Variants in C5orf58 observed in about 807,000 individuals in gnomAD.
C5orf58 encodes chromosome 5 open reading frame 58.
Under a neutral mutation model 2.9 loss-of-function variants are expected in C5orf58, and 2 were observed. The ratio of observed to expected loss-of-function variants is 0.69; its 90% CI spans 0.28 to 2.18. The LOEUF is 2.18. Ranked by LOEUF, C5orf58 falls within the 30% of genes most tolerant of loss-of-function variation. The pLI is 0.13. For missense variants in C5orf58, 96 were observed against 91.7 expected (o/e 1.05, Z -0.19); for synonymous variants, 37 against 33.4 (o/e 1.11, Z -0.37).
downstream of C5orf58, chr5:170,250,586 T>G (rs1400913583): frequency 1.5e-6 from 1 of 655,852 alleles, no homozygotes; most frequent in Non-Finnish European, 2.7e-6. Flanking sequence ...GCTTTATTTC[T>G]CTTCCAATAA....
In C5orf58 at chr5:170,234,177, A is replaced by G. The variant is rs1760644754; in HGVS notation, c.-22A>G. Reference sequence around the variant, plus strand: ...AAATTCTCCCTGCTCAGGAAAAGGTAGAGGCAAGGATTGACTTAAAGGTTA... The same window carrying G: ...AAATTCTCCCTGCTCAGGAAAAGGTGGAGGCAAGGATTGACTTAAAGGTTA... On this transcript the variant is annotated 5_prime_UTR_variant, in exon 2 of 4. Transcript: ENST00000593851. The G allele has an allele frequency of 7.3e-7, 1 of 1,367,550 alleles. No individual in the cohort carries two copies. The highest frequency in any genetic ancestry group is 9.8e-7 in the Non-Finnish European group (1 of 1,021,692). 84.7% of individuals were successfully genotyped at this position (1,367,550 alleles called of 1,614,324 possible).
Position 170,245,987 on chromosome 5 carries a change from C to G in C5orf58, c.120C>G (p.Asp40Glu). The change falls in exon 4 of 4, where the codon GAC becomes GAG. Residue 40 changes from aspartate (D) to glutamate (E), a missense_variant. Coordinates refer to ENST00000593851, the MANE Select transcript of C5orf58 (RefSeq NM_001102609.3). ...IKELSQLLLC[D>E]LILHFNHPIK... ...AGCTCTCCCAGTTATTGCTTTGTGACCTTATCCTACATTTTAATCATCCCA... is the reference window on the plus strand; with the variant it reads ...AGCTCTCCCAGTTATTGCTTTGTGAGCTTATCCTACATTTTAATCATCCCA... 6.2e-7 allele frequency: 1 copy of G among 1,613,472 alleles called. No individual in the cohort carries two copies. Among genetic ancestry groups the G allele is most frequent in the Non-Finnish European group, 8.5e-7 (1 of 1,179,648 alleles).
At chr5:170,249,742 G>A (rs184386288), downstream of C5orf58, among the ~76,000 whole-genome samples, 129 of 152,286 alleles carry the variant, frequency 8.5e-4, no homozygotes, top group Middle Eastern at 6.8e-3. Flanking sequence ...GCTTGCTAGA[G>A]AGGGAAAAGC....
intron 3 of C5orf58, among the ~76,000 whole-genome samples, chr5:170,237,624 C>A (rs1375973258): frequency 1.3e-5 from 2 of 152,108 alleles, no homozygotes; most frequent in African/African-American, 4.8e-5. Flanking sequence ...ATAGCCCCTA[C>A]GACTCAATTC....
rs1005344061 is a variant in C5orf58 at position 170,233,870 on chromosome 5, G to A, written c.-84-245G>A. ...GGGCCTAGGAGAACCAGAGTGGAGA[G>A]AGGCCACTGTCTTGGGCTCTAAAAT... is the stretch of plus-strand genomic sequence containing the variant. On this transcript the variant is annotated intron_variant, in intron 1 of 3. Coordinates refer to ENST00000593851, the MANE Select transcript of C5orf58 (RefSeq NM_001102609.3). 4 of 349,000 alleles carry A rather than the reference G, an allele frequency of 1.1e-5. No individual in the cohort carries two copies. In the Admixed American group the frequency reaches 1.6e-4, roughly 14 times the overall value. The allele number at this position is 349,000 out of a possible 1,614,324, so 21.6% of individuals were successfully genotyped here.
intron 3 of C5orf58, among the ~76,000 whole-genome samples, chr5:170,245,446 C>T (rs1355844877): frequency 1.3e-5 from 2 of 152,214 alleles, no homozygotes; most frequent in African/African-American, 2.4e-5. Flanking sequence ...GTAGGACCTT[C>T]CAAGCCAGGT....
chr5:170,239,624 A>T lies in C5orf58; in HGVS notation c.94+4554A>T, dbSNP rs553079913. 7.9e-4 allele frequency among the ~76,000 whole-genome samples: 121 copies of T among 152,296 alleles called. No homozygotes were observed. The Middle Eastern group carries it at 0.031, about 39-fold the overall frequency. ...TTATCTGATTCTTGGTACTATATGC[A>T]TGTATAACATAGATAAAAATAAGTT... On this transcript the variant is annotated intron_variant, in intron 3 of 3. Transcript: ENST00000593851.
downstream of C5orf58, chr5:170,248,614 GTGTT>G: frequency 5.4e-6 from 8 of 1,477,338 alleles, no homozygotes; most frequent in South Asian, 8.2e-5. Flanking sequence ...TCAGTCCTAA[GTGTT>G]TGTCCATTGA....
chr5:170,248,939 A>C (rs937921517), downstream of C5orf58: 1 of 944,780 alleles, frequency 1.1e-6, no homozygotes. Flanking sequence ...TTGTGGGGGG[A>C]AAAAATGTAA....
intron 3 of C5orf58, among the ~76,000 whole-genome samples, chr5:170,236,741 G>C (rs1488300766): frequency 6.6e-6 from 1 of 152,172 alleles, no homozygotes; most frequent in Non-Finnish European, 1.5e-5. Flanking sequence ...TTGTCTGTCT[G>C]AAATCCCATT....
At chr5:170,237,198 G>A (rs1760780109) in intron 3 of C5orf58, 2 of 397,980 alleles carry the variant, frequency 5.0e-6, no homozygotes, top group East Asian at 7.1e-5. Flanking sequence ...AGCTACGCTA[G>A]GAAGGTAGAC....
intron 3 of C5orf58, among the ~76,000 whole-genome samples, chr5:170,245,478 C>A (rs569410762): frequency 6.6e-6 from 1 of 152,176 alleles, no homozygotes; most frequent in African/African-American, 2.4e-5. Context: ...TCTCGTGGTG[C>A]GCCGTTTTTT....
chr5:170,249,185 C>T (rs957404932), downstream of C5orf58, among the ~76,000 whole-genome samples: 2 of 151,774 alleles, frequency 1.3e-5, no homozygotes, highest in South Asian at 2.1e-4. Context: ...ATTAGCTGGG[C>T]GTGCTGGTGT....
rs1296933739 is a variant in C5orf58 at position 170,251,813 on chromosome 5, A to AT, written c.*163dup. The AT allele has an allele frequency of 9.1e-6, 3 of 329,150 alleles. No homozygotes were observed. The East Asian group carries it at 2.2e-4, about 25-fold the overall frequency. The allele number at this position is 329,150 out of a possible 1,614,324, so 20.4% of individuals were successfully genotyped here. A position where few individuals can be genotyped will look rare whatever the true frequency, so the allele number is the denominator to read the frequency against. ...CTCAAGGTGAGACCCAGGAATCGGG[A>AT]TTTTTCAAAAGTTCTCCGGGTGATC... On this transcript the variant is annotated 3_prime_UTR_variant, in exon 3 of 3. Coordinates refer to the C5orf58 transcript ENST00000517575.
downstream of C5orf58, chr5:170,251,163 C>A (rs1418236040): frequency 3.0e-6 from 1 of 328,354 alleles, no homozygotes; most frequent in East Asian, 6.6e-5. Flanking sequence ...AAAACGGAAT[C>A]TTTTGTTCAG....
intron 3 of C5orf58, among the ~76,000 whole-genome samples, chr5:170,243,809 G>A (rs2113122541): frequency 6.7e-6 from 1 of 150,148 alleles, no homozygotes; most frequent in East Asian, 2.0e-4. Context: ...GTGTGAATTT[G>A]ATCCTGTCAT....
At chr5:170,238,072 T>C (rs1321688419) in intron 3 of C5orf58, among the ~76,000 whole-genome samples, 1 of 152,124 alleles carries the variant, frequency 6.6e-6, no homozygotes, top group African/African-American at 2.4e-5. Context: ...GTACCACAGG[T>C]GCAGAACTTC....
intron 2 of C5orf58, chr5:170,251,624 T>C (rs1409391154): frequency 2.2e-6 from 1 of 455,978 alleles, no homozygotes; most frequent in Non-Finnish European, 4.4e-6. Context: ...AATAATGACT[T>C]TCCTTTGTTC....
downstream of C5orf58, chr5:170,250,775 C>A: frequency 6.2e-7 from 1 of 1,613,188 alleles, no homozygotes. Flanking sequence ...CTTGACTTTC[C>A]TTCTGATAAC....
Sources: allele counts gnomAD v4.1 joint callset (sites outside exome capture counted in the v4.1 genomes callset), GRCh38; gene constraint gnomAD v4.1.1; transcripts MANE v1.5; gene names NCBI Gene and HGNC (gene_info 2026-07-23, HGNC 2026-07-21).